The following RELB variants were observed in gnomAD, a reference collection of about 807,000 sequenced individuals.
RELB encodes the protein transcription factor RelB.
RELB carries 14 observed loss-of-function variants against 55.4 expected under a neutral mutation model. That is an observed-to-expected ratio of 0.25 (90% CI 0.17 to 0.40). RELB has a LOEUF of 0.40. RELB is among the 10% of genes least tolerant of loss of function. RELB has a pLI of 1.00. For synonymous variants in RELB, 409 were observed against 371.3 expected, an observed-to-expected ratio of 1.10 and a Z score of -1.17; for missense variants, 669 against 830.7, an observed-to-expected ratio of 0.81 and a Z score of 2.39.
intron 11 of RELB, among the ~76,000 whole-genome samples, chr19:45,036,233 C>T (rs1000265513): frequency 6.6e-6 from 1 of 152,098 alleles, no homozygotes; most frequent in Admixed American, 6.6e-5. Context: ...CCACCATGCC[C>T]TGCTAATTTT....
At position 45,025,592 on chromosome 19, in the gene RELB, A is replaced by G. The variant is rs1816997579; in HGVS notation, c.755-14A>G. On this transcript the variant is annotated splice_polypyrimidine_tract_variant and intron_variant, in intron 6 of 11. Transcript: ENST00000221452. Reference sequence around the variant, plus strand: ...CACTTCCCACCCTCAGCCTCCCCATATCTCCCCCGACAGCTGGGTCCCTGA... The same window carrying G: ...CACTTCCCACCCTCAGCCTCCCCATGTCTCCCCCGACAGCTGGGTCCCTGA... The G allele has an allele frequency of 1.2e-6, 2 of 1,613,016 alleles. No individual in the cohort carries two copies. Among genetic ancestry groups the G allele is most frequent in the South Asian group, 2.2e-5 (2 of 91,032 alleles).
At chr19:45,021,186 A>T (rs34749137) in intron 4 of RELB, among the ~76,000 whole-genome samples, 8,164 of 151,868 alleles carry the variant, frequency 0.054, 556 homozygotes, top group African/African-American at 0.16. Flanking sequence ...AAAAAAATTT[A>T]AAAAAGGCCA....
intron 5 of RELB, among the ~76,000 whole-genome samples, chr19:45,024,454 G>A (rs139750800): frequency 0.012 from 1,825 of 152,084 alleles, 14 homozygotes; most frequent in South Asian, 0.032. Context: ...GAGCCACCAC[G>A]CCCGGCCTGA....
At chr19:45,031,705 A>G (rs1002713022) in intron 8 of RELB, among the ~76,000 whole-genome samples, 4 of 151,756 alleles carry the variant, frequency 2.6e-5, no homozygotes, top group Non-Finnish European at 4.4e-5. Context: ...CCTCCTGAGT[A>G]GCTGGGACTA....
In RELB at chr19:45,009,805, C is replaced by T; in HGVS notation, c.155-9C>T. On this transcript the variant is annotated splice_polypyrimidine_tract_variant and intron_variant, in intron 2 of 11. Transcript: ENST00000221452. ...TACCTTTCTCTTTCTCTTTCTCTTC[C>T]TTCCACAGATGAATTGGGTGAGTAT... 1 of 1,599,172 alleles carries T rather than the reference C, an allele frequency of 6.3e-7. No individual in the cohort carries two copies. The highest frequency in any genetic ancestry group is 8.5e-7 in the Non-Finnish European group (1 of 1,179,638).
In RELB at chr19:45,034,229, G is replaced by T. The variant is rs758246425; in HGVS notation, c.1208-15G>T. On this transcript the variant is annotated splice_polypyrimidine_tract_variant and intron_variant, in intron 9 of 11. Transcript: ENST00000221452. ...ATGAATTACTTCTTGTGTGTCCCTG[G>T]TATCTCCTTAACAGACAGCTACGGC... The T allele has an allele frequency of 2.2e-5, 36 of 1,602,684 alleles. No homozygotes were observed. The South Asian group carries it at 3.9e-4, about 17-fold the overall frequency.
At chr19:45,022,257 T>C in intron 5 of RELB, 47 bp downstream of exon 5, 2 of 1,517,632 alleles carry the variant, frequency 1.3e-6, no homozygotes, top group Non-Finnish European at 1.8e-6. Context: ...TCATGGAGAT[T>C]CTAAGCGACT....
intron 11 of RELB, 76 bp from the exon 12 acceptor site, chr19:45,037,329 T>A: frequency 1.4e-6 from 2 of 1,393,628 alleles, no homozygotes; most frequent in Admixed American, 2.6e-5. Flanking sequence ...TTGCAGGGAG[T>A]AGGGCATTTG....
chr19:45,037,308 G>A, intron 11 of RELB, 97 bp from the exon 12 acceptor site: 3 of 1,179,926 alleles, frequency 2.5e-6, no homozygotes, highest in Middle Eastern at 2.1e-4. Context: ...AGGCCACCTT[G>A]ATATCACATT....
chr19:45,001,826 T>C (rs1971214187), intron 1 of RELB, 141 bp downstream of exon 1: 2 of 520,410 alleles, frequency 3.8e-6, no homozygotes, highest in Non-Finnish European at 3.3e-6. Context: ...TGAGACACTG[T>C]ATTAGGGCGT....
intron 11 of RELB, 147 bp from the exon 12 acceptor site, chr19:45,037,258 G>T: frequency 1.1e-6 from 1 of 872,836 alleles, no homozygotes; most frequent in Non-Finnish European, 1.7e-6. Flanking sequence ...CTCCAGCCAG[G>T]GTGACAGAAT....
At chr19:45,031,536 G>A (rs2122485738) in intron 8 of RELB, among the ~76,000 whole-genome samples, 1 of 152,208 alleles carries the variant, frequency 6.6e-6, no homozygotes, top group Non-Finnish European at 1.5e-5. Context: ...ACCACCTGAG[G>A]GTGATCTTGA....
At chr19:45,030,330 T>C (rs1419029471) in intron 8 of RELB, among the ~76,000 whole-genome samples, 1 of 151,896 alleles carries the variant, frequency 6.6e-6, no homozygotes, top group Non-Finnish European at 1.5e-5. Flanking sequence ...TCTTTTTAAT[T>C]AAAAAATAGC....
intron 11 of RELB, among the ~76,000 whole-genome samples, chr19:45,036,166 A>G (rs1319723902): frequency 6.6e-6 from 1 of 151,936 alleles, no homozygotes; most frequent in East Asian, 1.9e-4. Context: ...TCCACCTCCC[A>G]GGTTCAAGTG....
intron 11 of RELB, among the ~76,000 whole-genome samples, 174 bp downstream of exon 11, chr19:45,034,702 T>G (rs577546007): frequency 6.6e-6 from 1 of 152,304 alleles, no homozygotes; most frequent in East Asian, 1.9e-4. Context: ...GAATGGAAGT[T>G]CTGATCTCTT....
chr19:45,018,949 G>C (rs750044026), intron 4 of RELB, among the ~76,000 whole-genome samples: 23 of 152,092 alleles, frequency 1.5e-4, no homozygotes, highest in African/African-American at 5.6e-4. Context: ...GAGCCACCGC[G>C]CTCGGCTGAA....
intron 7 of RELB, among the ~76,000 whole-genome samples, chr19:45,028,403 G>A (rs1971582844): frequency 6.6e-6 from 1 of 152,072 alleles, no homozygotes; most frequent in Non-Finnish European, 1.5e-5. Flanking sequence ...ACGATGGAGT[G>A]CAGTGGTGCA....
intron 11 of RELB, among the ~76,000 whole-genome samples, chr19:45,035,206 C>T (rs188155465): frequency 7.6e-4 from 116 of 151,944 alleles, no homozygotes; most frequent in African/African-American, 2.6e-3. Context: ...CAGGATAGAA[C>T]GTTATTTCTT....
At chr19:45,008,379 C>T (rs1451594627) in intron 2 of RELB, 2 of 454,814 alleles carry the variant, frequency 4.4e-6, no homozygotes, top group Non-Finnish European at 8.8e-6. Flanking sequence ...CCAGCCACAG[C>T]CGCCCAGGAC....
Sources: gnomAD v4.1 joint callset for allele counts (sites outside exome capture counted in the v4.1 genomes callset) on GRCh38, gnomAD v4.1.1 for gene constraint, MANE v1.5 for transcripts, NCBI Gene and HGNC (gene_info 2026-07-23, HGNC 2026-07-21) for gene names.